SLC22A25: variants seen among roughly 807,000 people sequenced by gnomAD.
The protein encoded by SLC22A25 is MGI:2442751, MGI:2385316, MGI:3042283, MGI:3645714, MGI:3605624, MGI:2442750.
SLC22A25 carries 44 observed loss-of-function variants against 45.9 expected under a neutral mutation model. The observed-to-expected ratio is 0.96, with a 90% CI of 0.75 to 1.23. SLC22A25 has a LOEUF of 1.23. SLC22A25 is among the 50% of genes most tolerant of loss of function. The pLI is 0.00. For missense variants in SLC22A25, 800 were observed against 666.4 expected (o/e 1.20, Z -2.21); for synonymous variants, 283 against 238.6 (o/e 1.19, Z -1.72).
intron 7 of SLC22A25, among the ~76,000 whole-genome samples, chr11:63,196,760 A>G (rs2089049681): frequency 6.6e-6 from 1 of 152,204 alleles, no homozygotes; most frequent in South Asian, 2.1e-4. Flanking sequence ...GGCCAGGGCA[A>G]TCAGGTAGGA....
chr11:63,206,149 G>A (rs1340536856), intron 7 of SLC22A25, among the ~76,000 whole-genome samples: 1 of 152,068 alleles, frequency 6.6e-6, no homozygotes, highest in African/African-American at 2.4e-5. Context: ...AATAATAGCA[G>A]CTATTTATTA....
Position 63,158,585 on chromosome 11 carries a change from C to T in SLC22A25, c.*5239G>A, listed in dbSNP as rs571800219. 3.3e-5 allele frequency among the ~76,000 whole-genome samples: 5 copies of T among 152,070 alleles called. No individual in the cohort carries two copies. The East Asian group carries it at 7.7e-4, about 23-fold the overall frequency. The stretch of plus-strand genomic sequence containing the variant: ...GTATCCATCTTCTCAGTCATTTATC[C>T]TTTGTGTTACAAACAATCCAGTTAT... On this transcript the variant is annotated 3_prime_UTR_variant, in exon 12 of 12. Transcript: ENST00000306494.
chr11:63,191,719 A>G (rs892196886), intron 7 of SLC22A25, among the ~76,000 whole-genome samples: 2 of 152,312 alleles, frequency 1.3e-5, no homozygotes, highest in African/African-American at 4.8e-5. Flanking sequence ...TAAAAGCAGA[A>G]TAAACTAAGA....
In SLC22A25 at chr11:63,164,524, A is replaced by G; in HGVS notation, c.1394+2T>C. ...TGACAGAGCACACATAAACTTTTGT[A>G]CCTGATTATGGAAGGAATTAGTTCA... is the stretch of plus-strand genomic sequence containing the variant. On this transcript the variant is annotated splice_donor_variant, in intron 11 of 11. Transcript: ENST00000306494. LOFTEE classifies it high-confidence loss of function. 1.2e-6 allele frequency: 2 copies of G among 1,612,312 alleles called. No individual in the cohort carries two copies. Among genetic ancestry groups the G allele is most frequent in the Non-Finnish European group, 1.7e-6 (2 of 1,178,582 alleles).
chr11:63,222,121 T>C (rs996328793), intron 5 of SLC22A25, among the ~76,000 whole-genome samples: 3 of 152,196 alleles, frequency 2.0e-5, no homozygotes, highest in South Asian at 2.1e-4. Flanking sequence ...GGGTCTTTTG[T>C]GGTTTCATAT....
Position 63,229,582 on chromosome 11 carries a change from A to G in SLC22A25, c.71T>C (p.Leu24Pro). Residue 24 changes from leucine to proline, a missense_variant, in exon 4 of 12, where the codon CTT becomes CCT. By Grantham distance (98) the Leu-to-Pro change is moderately conservative. Coordinates refer to ENST00000306494, the MANE Select transcript of SLC22A25 (RefSeq NM_199352.6). ...GRFQILQMVF[L>P]IMFNVIVYHQ... ...GTATACTATGACGTTGAACATTATA[A>G]GGAAAACCATCTGAAGGATCTGGAA... 1.9e-6 allele frequency: 3 copies of G among 1,614,008 alleles called. No homozygotes were observed. The highest frequency in any genetic ancestry group is 2.5e-6 in the Non-Finnish European group (3 of 1,179,882).
At chr11:63,217,886 G>A in intron 5 of SLC22A25, 151 bp from the exon 6 acceptor site, 3 of 944,442 alleles carry the variant, frequency 3.2e-6, no homozygotes, top group Non-Finnish European at 4.7e-6. Flanking sequence ...ATCAATGGCA[G>A]GTCTTCTCAG....
At chr11:63,213,908 C>G (rs1195040443) in intron 7 of SLC22A25, among the ~76,000 whole-genome samples, 1 of 152,160 alleles carries the variant, frequency 6.6e-6, no homozygotes, top group Non-Finnish European at 1.5e-5. Flanking sequence ...ACTCGGTAGT[C>G]GAGGCTCAAG....
intron 9 of SLC22A25, among the ~76,000 whole-genome samples, chr11:63,178,217 C>A (rs2134728942): frequency 6.6e-6 from 1 of 152,050 alleles, no homozygotes; most frequent in Middle Eastern, 3.4e-3. Flanking sequence ...TTTATACAGC[C>A]ATTGATAAAC....
rs1412803958 is a variant in SLC22A25 at position 63,237,912 on chromosome 11, T to C, written c.-476A>G. 3 of 152,242 alleles carry C rather than the reference T, an allele frequency of 2.0e-5. No individual in the cohort carries two copies. The highest frequency in any genetic ancestry group is 7.2e-5 in the African/African-American group (3 of 41,464). The allele number at this position is 152,242 out of a possible 1,614,324, so 9.4% of individuals were successfully genotyped here. A position where few individuals can be genotyped will look rare whatever the true frequency, so the allele number is the denominator to read the frequency against. On this transcript the variant is annotated 5_prime_UTR_variant, in exon 3 of 12. An upstream start codon of the reference 5' UTR is lost. Coordinates refer to ENST00000306494, the MANE Select transcript of SLC22A25 (RefSeq NM_199352.6). ...AGTGATCTTTGAACAGAGATGCTCA[T>C]CTGTCTGATAAATGGCCATATTGGA...
intron 9 of SLC22A25, among the ~76,000 whole-genome samples, chr11:63,172,653 CTTT>C (rs141999401): frequency 0.017 from 2,457 of 140,482 alleles, 44 homozygotes; most frequent in African/African-American, 0.047. Context: ...CACAGGATAC[CTTT>C]TTTTTTTTTT....
chr11:63,164,558 G>C lies in SLC22A25; in HGVS notation c.1362C>G (p.Ala454=). 6.2e-7 allele frequency: 1 copy of C among 1,613,706 alleles called. No individual in the cohort carries two copies. The highest frequency in any genetic ancestry group is 8.5e-7 in the Non-Finnish European group (1 of 1,179,802). ...TGGAAGGAATTAGTTCATTTTCTTG[G>C]GCAGTAGAACAGGTAATGCCAAGAG... The part of the protein sequence containing the change: ...AASLGITCST[A]QENELIPSII... The change falls in exon 11 of 12, where the codon GCC becomes GCG. Residue 454 remains alanine, a synonymous_variant. Coordinates refer to ENST00000306494, the MANE Select transcript of SLC22A25 (RefSeq NM_199352.6).
chr11:63,212,430 A>G (rs914850913), intron 7 of SLC22A25, among the ~76,000 whole-genome samples: 1 of 152,184 alleles, frequency 6.6e-6, no homozygotes, highest in Non-Finnish European at 1.5e-5. Flanking sequence ...ATGTCCACCA[A>G]TGATAGACTG....
In SLC22A25 at chr11:63,183,565, G is replaced by T. The variant is rs2088405617; in HGVS notation, c.954+129C>A. 2.6e-6 allele frequency: 3 copies of T among 1,165,424 alleles called. No homozygotes were observed. In the South Asian group the frequency reaches 4.4e-5, roughly 17 times the overall value. The allele number at this position is 1,165,424 out of a possible 1,614,324, so 72.2% of individuals were successfully genotyped here. ...TCCAATGTTGACACCCATTGAGAATGATCGTGAGGTGAGATGACCCATAAC... is the reference window on the plus strand; with the variant it reads ...TCCAATGTTGACACCCATTGAGAATTATCGTGAGGTGAGATGACCCATAAC... On this transcript the variant is annotated intron_variant, in intron 8 of 11. Transcript: ENST00000306494.
chr11:63,213,454 A>C (rs1309550290), intron 7 of SLC22A25, among the ~76,000 whole-genome samples: 2 of 152,180 alleles, frequency 1.3e-5, no homozygotes, highest in African/African-American at 4.8e-5. Context: ...AGGTTGGCCC[A>C]ATGCCTCAGG....
intron 7 of SLC22A25, among the ~76,000 whole-genome samples, chr11:63,193,345 C>A (rs1272558171): frequency 6.6e-6 from 1 of 152,202 alleles, no homozygotes; most frequent in East Asian, 1.9e-4. Flanking sequence ...TAAAGTGGGT[C>A]CCTGAACCCC....
chr11:63,196,977 C>T (rs1196365836), intron 7 of SLC22A25, among the ~76,000 whole-genome samples: 1 of 118,898 alleles, frequency 8.4e-6, no homozygotes, highest in Non-Finnish European at 1.7e-5. Flanking sequence ...ACACAGAGAG[C>T]CAAACCATGA....
chr11:63,188,104 A>G lies in SLC22A25; in HGVS notation c.831-4287T>C, dbSNP rs567772464. Among the ~76,000 whole-genome samples the G allele has an allele frequency of 3.3e-4, 51 of 152,332 alleles. No homozygotes were observed. In the South Asian group the frequency reaches 0.01, roughly 31 times the overall value. Reference sequence around the variant, plus strand: ...TCCCTTTTCTTCTACTGATTGGAATAGTTTCAGAAGGAATGATACCAGCTC... The same window carrying G: ...TCCCTTTTCTTCTACTGATTGGAATGGTTTCAGAAGGAATGATACCAGCTC... On this transcript the variant is annotated intron_variant, in intron 7 of 11. Transcript: ENST00000306494.
intron 9 of SLC22A25, 192 bp from the exon 10 acceptor site, chr11:63,166,450 T>C: frequency 7.1e-7 from 1 of 1,412,624 alleles, no homozygotes; most frequent in Non-Finnish European, 9.2e-7. Context: ...GTGGTAACAA[T>C]TGTATCTTGA....
Sources: gnomAD v4.1 joint callset for allele counts (sites outside exome capture counted in the v4.1 genomes callset) on GRCh38, gnomAD v4.1.1 for gene constraint, MANE v1.5 for transcripts, NCBI Gene and HGNC (gene_info 2026-07-23, HGNC 2026-07-21) for gene names.